COPB1: variants seen among roughly 807,000 people sequenced by gnomAD.
COPB1 encodes coat protein complex I subunit beta 1.
In COPB1, 21 loss-of-function variants were observed where a neutral mutation model predicts 108.7. The observed-to-expected ratio is 0.19, with a 90% CI of 0.14 to 0.28. The LOEUF (loss-of-function observed/expected upper bound fraction) is 0.28, where lower values mean the gene tolerates loss of function less well. Ranked by LOEUF, COPB1 falls within the 10% of genes least tolerant of loss-of-function variation. COPB1 has a pLI of 1.00. For missense variants in COPB1, 919 were observed against 1,141.3 expected (o/e 0.81, Z 2.81); for synonymous variants, 378 against 386.8 (o/e 0.98, Z 0.27).
In COPB1 at chr11:14,470,944, A is replaced by ACTCT. The variant is rs1162965849; in HGVS notation, c.1738-1385_1738-1382dup. Among the ~76,000 whole-genome samples, 196 of 90,178 alleles carry ACTCT rather than the reference A, an allele frequency of 2.2e-3. 1 individual carries two copies. Among genetic ancestry groups the ACTCT allele is most frequent in the South Asian group, 3.7e-3 (11 of 2,992 alleles). 59.2% of individuals were successfully genotyped at this position (90,178 alleles called of 152,430 possible). A position where few individuals can be genotyped will look rare whatever the true frequency, so the allele number is the denominator to read the frequency against. On this transcript the variant is annotated intron_variant, in intron 14 of 21. Coordinates refer to ENST00000439561, the MANE Select transcript of COPB1 (RefSeq NM_001144061.2). ...CACACACACACACACACACACACAC[A>ACTCT]CTCTCTCTCTCTCTACACCCAGGGA... is the stretch of plus-strand genomic sequence containing the variant.
intron 21 of COPB1, among the ~76,000 whole-genome samples, 191 bp from the exon 22 acceptor site, chr11:14,458,074 A>ATTTTTTTTTTTT (rs748562590): frequency 2.0e-5 from 2 of 100,728 alleles, no homozygotes; most frequent in South Asian, 3.3e-4. Context: ...CCGTCACCAG[A>ATTTTTTTTTTTT]TTTTTTTTTT....
chr11:14,498,809 T>C, intron 2 of COPB1, 29 bp downstream of exon 2: 3 of 1,523,130 alleles, frequency 2.0e-6, no homozygotes, highest in Non-Finnish European at 2.7e-6. Flanking sequence ...CTTTTTTCAT[T>C]TCATTCTCAA....
At position 14,464,985 on chromosome 11, in the gene COPB1, G is replaced by C. The variant is rs757013422; in HGVS notation, c.2336C>G (p.Pro779Arg). 2 of 1,612,116 alleles carry C rather than the reference G, an allele frequency of 1.2e-6. No individual in the cohort carries two copies. The highest frequency in any genetic ancestry group is 2.2e-5 in the South Asian group (2 of 91,034). ...VEKPSPLTLA[P>R]HDFANIKANV... Reference sequence around the variant, plus strand: ...AGCTTTAATATTTGCGAAGTCATGAGGAGCAAGAGTCAAAGGAGACGGCTT... The same window carrying C: ...AGCTTTAATATTTGCGAAGTCATGACGAGCAAGAGTCAAAGGAGACGGCTT... Residue 779 changes from proline (P) to arginine (R), a missense_variant, in exon 18 of 22, where the codon CCT becomes CGT. By Grantham distance (103) the Pro-to-Arg change is moderately radical (BLOSUM62 -2). Coordinates refer to ENST00000439561, the MANE Select transcript of COPB1 (RefSeq NM_001144061.2).
intron 11 of COPB1, among the ~76,000 whole-genome samples, chr11:14,479,193 C>A (rs988781893): frequency 2.6e-5 from 4 of 152,120 alleles, no homozygotes; most frequent in African/African-American, 9.7e-5. Flanking sequence ...TTAGCAAAGG[C>A]TCTCTGAAGG....
intron 19 of COPB1, among the ~76,000 whole-genome samples, chr11:14,460,688 GA>G (rs1414538992): frequency 6.6e-6 from 1 of 151,970 alleles, no homozygotes; most frequent in Non-Finnish European, 1.5e-5. Context: ...ATTTTTTGTA[GA>G]GATGGAGTTT....
chr11:14,476,833 T>A (rs1850530539), intron 12 of COPB1, 86 bp downstream of exon 12: 1 of 735,932 alleles, frequency 1.4e-6, no homozygotes, highest in Non-Finnish European at 2.4e-6. Context: ...GAAGTGTAAA[T>A]AATGTAAGCA....
At chr11:14,467,168 T>C (rs1301816793) in intron 16 of COPB1, among the ~76,000 whole-genome samples, 1 of 143,316 alleles carries the variant, frequency 7.0e-6, no homozygotes, top group South Asian at 2.3e-4. Context: ...ATCCAGAATA[T>C]TAATAACTCC....
At chr11:14,465,256 A>AT (rs1232293845) in intron 17 of COPB1, among the ~76,000 whole-genome samples, 1 of 152,202 alleles carries the variant, frequency 6.6e-6, no homozygotes, top group Non-Finnish European at 1.5e-5. Flanking sequence ...ATCAATAGGC[A>AT]TATTTTCTTT....
chr11:14,491,111 T>C (rs372763324), intron 4 of COPB1, among the ~76,000 whole-genome samples: 73 of 151,914 alleles, frequency 4.8e-4, no homozygotes, highest in Middle Eastern at 3.5e-3. Context: ...AGTGGAGTGA[T>C]CTCGGCTTAC....
intron 5 of COPB1, 50 bp from the exon 6 acceptor site, chr11:14,488,634 G>A (rs1390434083): frequency 7.5e-6 from 9 of 1,195,834 alleles, no homozygotes; most frequent in Admixed American, 1.9e-5. Context: ...TTCAATAGAA[G>A]GACTTAATGC....
chr11:14,485,550 T>A (rs1850750243), intron 7 of COPB1, among the ~76,000 whole-genome samples: 1 of 152,182 alleles, frequency 6.6e-6, no homozygotes, highest in African/African-American at 2.4e-5. Flanking sequence ...CACAGTTGAT[T>A]AAAACATGTT....
intron 10 of COPB1, among the ~76,000 whole-genome samples, chr11:14,480,340 C>G (rs1850634505): frequency 6.6e-6 from 1 of 152,098 alleles, no homozygotes; most frequent in South Asian, 2.1e-4. Context: ...AGGCAAAAAT[C>G]AAATTATAAT....
chr11:14,491,175 T>A (rs754307253), intron 4 of COPB1, among the ~76,000 whole-genome samples: 26 of 152,116 alleles, frequency 1.7e-4, no homozygotes, highest in African/African-American at 6.0e-4. Context: ...CTCCTGAGTA[T>A]CTGGGACTAC....
Position 14,466,301 on chromosome 11 carries a change from T to A in COPB1, c.2271A>T (p.Thr757=), listed in dbSNP as rs371432538. Residue 757 remains threonine (T), a synonymous_variant, in exon 17 of 22, where the codon ACA becomes ACT. Transcript: ENST00000439561. ...CCTCACCTAGTGTAGCTAGTTCTAA[T>A]GTGCAATTCTGCAAAGTATCACTGG... ...NQTSDTLQNC[T]LELATLGDLK... 1 of 1,613,482 alleles carries A rather than the reference T, an allele frequency of 6.2e-7. No individual in the cohort carries two copies. Among genetic ancestry groups the A allele is most frequent in the Non-Finnish European group, 8.5e-7 (1 of 1,179,690 alleles).
chr11:14,465,273 G>A (rs985199386), intron 17 of COPB1, among the ~76,000 whole-genome samples: 1 of 152,092 alleles, frequency 6.6e-6, no homozygotes, highest in African/African-American at 2.4e-5. Flanking sequence ...CTTTTAAAAG[G>A]TAATAGGCAT....
intron 18 of COPB1, among the ~76,000 whole-genome samples, chr11:14,462,071 T>C (rs1398714058): frequency 1.3e-5 from 2 of 152,092 alleles, no homozygotes; most frequent in Non-Finnish European, 2.9e-5. Flanking sequence ...CCATTTTTTT[T>C]TTTTTCTAAA....
At chr11:14,482,413 T>C (rs1012303061) in intron 8 of COPB1, among the ~76,000 whole-genome samples, 1 of 152,086 alleles carries the variant, frequency 6.6e-6, no homozygotes, top group South Asian at 2.1e-4. Context: ...TCAATTGGTA[T>C]AATAATTTTC....
At chr11:14,475,966 T>C (rs1227737482) in intron 12 of COPB1, 21 bp from the exon 13 acceptor site, 1 of 1,563,974 alleles carries the variant, frequency 6.4e-7, no homozygotes, top group Non-Finnish European at 8.6e-7. Context: ...ATTGGAAACA[T>C]CATTTTAGTA....
intron 14 of COPB1, among the ~76,000 whole-genome samples, chr11:14,473,499 T>C (rs1850453089): frequency 6.6e-6 from 1 of 152,142 alleles, no homozygotes; most frequent in Non-Finnish European, 1.5e-5. Context: ...GTAGGATTAT[T>C]AACCGGCCTA....
Sources: gnomAD v4.1 joint callset for allele counts (sites outside exome capture counted in the v4.1 genomes callset) on GRCh38, gnomAD v4.1.1 for gene constraint, MANE v1.5 for transcripts, NCBI Gene and HGNC (gene_info 2026-07-23, HGNC 2026-07-21) for gene names.